Variants in SULF1 observed in about 807,000 individuals in gnomAD.
SULF1 encodes the protein sulfatase 1.
In SULF1, 46 loss-of-function variants were observed where a neutral mutation model predicts 110.5. The observed-to-expected ratio is 0.42, with a 90% CI of 0.33 to 0.53. The LOEUF is 0.53. SULF1 is among the 20% of genes least tolerant of loss of function. The pLI, the probability that SULF1 is intolerant of heterozygous loss-of-function variation, is 0.12. For missense variants in SULF1, 941 were observed against 1,094.2 expected (o/e 0.86, Z 1.98); for synonymous variants, 371 against 387.1 (o/e 0.96, Z 0.49).
intron 1 of SULF1, among the ~76,000 whole-genome samples, chr8:69,472,748 A>T (rs546424698): frequency 4.6e-5 from 7 of 152,204 alleles, no homozygotes; most frequent in African/African-American, 1.7e-4. Flanking sequence ...CACCATCGTC[A>T]CCTGTAGCCG....
chr8:69,560,543 C>T (rs891739421), intron 3 of SULF1, among the ~76,000 whole-genome samples: 8 of 152,196 alleles, frequency 5.3e-5, no homozygotes, highest in Non-Finnish European at 7.3e-5. Flanking sequence ...GAACACTGTT[C>T]TTCAAACTCA....
At chr8:69,627,918 C>A in intron 17 of SULF1, 52 bp downstream of exon 17, 1 of 1,392,662 alleles carries the variant, frequency 7.2e-7, no homozygotes, top group Non-Finnish European at 1.0e-6. Context: ...TCCGCACAAG[C>A]CAGAGGCATT....
At chr8:69,548,038 C>G (rs771685869) in intron 3 of SULF1, among the ~76,000 whole-genome samples, 1 of 152,084 alleles carries the variant, frequency 6.6e-6, no homozygotes, top group Non-Finnish European at 1.5e-5. Flanking sequence ...CAAGCAAAAG[C>G]AAGCAGAATT....
intron 3 of SULF1, among the ~76,000 whole-genome samples, chr8:69,517,924 TAAATC>T (rs1378570356): frequency 1.1e-4 from 16 of 152,172 alleles, no homozygotes; most frequent in African/African-American, 3.4e-4. Context: ...AATGCACAAA[TAAATC>T]AAAGAAAGTT....
chr8:69,601,526 G>A (rs559701376), intron 9 of SULF1, 128 bp from the exon 10 acceptor site: 1 of 732,872 alleles, frequency 1.4e-6, no homozygotes, highest in South Asian at 3.1e-5. Context: ...TGTGGATAAT[G>A]TTATTAAAGC....
chr8:69,512,548 T>C (rs966945326), intron 3 of SULF1, among the ~76,000 whole-genome samples: 6 of 152,210 alleles, frequency 3.9e-5, no homozygotes, highest in African/African-American at 1.4e-4. Context: ...CAGATTGCCT[T>C]TCTGTAAAAT....
chr8:69,636,142 T>C (rs1414418971), intron 19 of SULF1, among the ~76,000 whole-genome samples: 1 of 152,216 alleles, frequency 6.6e-6, no homozygotes, highest in Non-Finnish European at 1.5e-5. Context: ...TAAATCATTA[T>C]AACTGGGCTC....
intron 3 of SULF1, among the ~76,000 whole-genome samples, chr8:69,532,399 G>A (rs1418882925): frequency 6.6e-6 from 1 of 151,888 alleles, no homozygotes; most frequent in Non-Finnish European, 1.5e-5. Context: ...AAAGGAACTG[G>A]ACAACAATAT....
At chr8:69,490,967 G>T (rs527365826), upstream of SULF1, among the ~76,000 whole-genome samples, 5 of 152,130 alleles carry the variant, frequency 3.3e-5, no homozygotes, top group Non-Finnish European at 7.4e-5. Flanking sequence ...CAGTAAGATC[G>T]CTGTCATTCC....
At chr8:69,626,630 G>A (rs1025363673) in intron 15 of SULF1, among the ~76,000 whole-genome samples, 1 of 152,226 alleles carries the variant, frequency 6.6e-6, no homozygotes, top group Admixed American at 6.5e-5. Flanking sequence ...CCTGCCCTGC[G>A]GGAAGGCAGC....
chr8:69,492,956 G>C lies in SULF1; in HGVS notation c.-560G>C, dbSNP rs1173973096. The C allele has an allele frequency of 6.5e-6, 1 of 152,674 alleles. No homozygotes were observed. Among genetic ancestry groups the C allele is most frequent in the Non-Finnish European group, 1.5e-5 (1 of 68,086 alleles). 9.5% of individuals were successfully genotyped at this position (152,674 alleles called of 1,614,324 possible). A position where few individuals can be genotyped will look rare whatever the true frequency, so the allele number is the denominator to read the frequency against. ...AGGAGCGAGGGCAGCGAGGATCAGA[G>C]GCCAGGCCTTCCCGGCTGCCGGCGC... On this transcript the variant is annotated 5_prime_UTR_variant, in exon 1 of 23. Coordinates refer to ENST00000402687, the MANE Select transcript of SULF1 (RefSeq NM_001128205.2).
intron 3 of SULF1, among the ~76,000 whole-genome samples, chr8:69,541,266 T>G (rs1813834860): frequency 6.6e-6 from 1 of 152,170 alleles, no homozygotes; most frequent in Admixed American, 6.5e-5. Context: ...GCCCTGCTTG[T>G]GAGACCGGAG....
chr8:69,563,213 C>T (rs968359239), intron 3 of SULF1: 1 of 152,538 alleles, frequency 6.6e-6, no homozygotes, highest in Non-Finnish European at 1.5e-5. Context: ...GTTCCCAACG[C>T]TCTGTGGTTT....
At chr8:69,512,875 G>A (rs1811669974) in intron 3 of SULF1, among the ~76,000 whole-genome samples, 1 of 152,140 alleles carries the variant, frequency 6.6e-6, no homozygotes, top group Non-Finnish European at 1.5e-5. Context: ...CCACACTTAT[G>A]AAAAGCTAAA....
chr8:69,616,228 A>AT (rs1432141232), intron 13 of SULF1, among the ~76,000 whole-genome samples: 3,792 of 140,026 alleles, frequency 0.027, 219 homozygotes, highest in African/African-American at 0.092. Flanking sequence ...ATATATATAT[A>AT]TATTTTTTTG....
intron 1 of SULF1, among the ~76,000 whole-genome samples, chr8:69,470,200 A>T (rs919181694): frequency 2.0e-5 from 3 of 152,300 alleles, no homozygotes; most frequent in Admixed American, 2.0e-4. Context: ...TGGAGAACAT[A>T]AAGTAAATTT....
At chr8:69,473,039 T>C (rs993081031) in intron 1 of SULF1, among the ~76,000 whole-genome samples, 6 of 151,952 alleles carry the variant, frequency 3.9e-5, no homozygotes, top group African/African-American at 1.5e-4. Flanking sequence ...TGGGTCTCAC[T>C]ATGGTACCCA....
chr8:69,527,156 G>C (rs1473397005), intron 3 of SULF1, among the ~76,000 whole-genome samples: 2 of 152,120 alleles, frequency 1.3e-5, no homozygotes, highest in African/African-American at 4.8e-5. Flanking sequence ...AAGGCAGGCA[G>C]AGTATACAAG....
rs1812868062 is a variant in SULF1 at position 69,528,698 on chromosome 8, C to T, written c.-134+26730C>T. 9.9e-5 allele frequency among the ~76,000 whole-genome samples: 15 copies of T among 152,182 alleles called. 1 individual carries two copies. Among genetic ancestry groups the T allele is most frequent in the Admixed American group, 9.2e-4 (14 of 15,280 alleles). On this transcript the variant is annotated intron_variant, in intron 3 of 22. Coordinates refer to ENST00000402687, the MANE Select transcript of SULF1 (RefSeq NM_001128205.2). Reference sequence around the variant, plus strand: ...CTTGGGGAATGAAATAAGACAAGCACAGCATGGCATTTAAGCCATTAGTCC... The same window carrying T: ...CTTGGGGAATGAAATAAGACAAGCATAGCATGGCATTTAAGCCATTAGTCC...
Sources: allele counts gnomAD v4.1 joint callset (sites outside exome capture counted in the v4.1 genomes callset), GRCh38; gene constraint gnomAD v4.1.1; transcripts MANE v1.5; gene names NCBI Gene and HGNC (gene_info 2026-07-23, HGNC 2026-07-21).